Variants in EDIL3 observed in about 807,000 individuals in gnomAD.
EDIL3 encodes the protein EGF-like repeat and discoidin I-like domain-containing protein 3.
Under a neutral mutation model 67.4 loss-of-function variants are expected in EDIL3, and 37 were observed. The ratio of observed to expected loss-of-function variants is 0.55; its 90% confidence interval spans 0.42 to 0.72. The LOEUF is 0.72. EDIL3 is among the 30% of genes least tolerant of loss of function. The pLI, the probability that EDIL3 is intolerant of heterozygous loss-of-function variation, is 0.00. For synonymous variants in EDIL3, 195 were observed against 196.3 expected (o/e 0.99, Z 0.05); for missense variants, 527 against 586.3 (o/e 0.90, Z 1.04).
intron 1 of EDIL3, among the ~76,000 whole-genome samples, chr5:84,269,827 A>G (rs1745427424): frequency 1.3e-5 from 2 of 152,146 alleles, no homozygotes; most frequent in Admixed American, 1.3e-4. Flanking sequence ...GAGTTTCCAA[A>G]CTACCTGGCC....
chr5:84,084,171 A>G (rs1044287816), intron 6 of EDIL3, among the ~76,000 whole-genome samples: 4 of 152,218 alleles, frequency 2.6e-5, no homozygotes, highest in African/African-American at 9.6e-5. Flanking sequence ...TATAGAGTAT[A>G]TCTCATCAGT....
At chr5:84,178,993 T>C (rs1035514951) in intron 4 of EDIL3, among the ~76,000 whole-genome samples, 8 of 152,178 alleles carry the variant, frequency 5.3e-5, no homozygotes, top group Admixed American at 6.5e-5. Flanking sequence ...TTATATATTG[T>C]TTGAACAGAG....
chr5:84,067,256 C>T (rs952728382), intron 6 of EDIL3, among the ~76,000 whole-genome samples: 1 of 151,948 alleles, frequency 6.6e-6, no homozygotes, highest in African/African-American at 2.4e-5. Flanking sequence ...ATATTTTCTC[C>T]CCATTCCAAA....
At chr5:84,343,090 A>T (rs904916754) in intron 1 of EDIL3, among the ~76,000 whole-genome samples, 1 of 152,194 alleles carries the variant, frequency 6.6e-6, no homozygotes, top group African/African-American at 2.4e-5. Context: ...GTCAAGGGAC[A>T]ATAAAATATT....
At chr5:83,980,314 T>C (rs1744948884) in intron 9 of EDIL3, among the ~76,000 whole-genome samples, 1 of 151,998 alleles carries the variant, frequency 6.6e-6, no homozygotes. Context: ...TATTATTTAC[T>C]ATAAAACGGC....
chr5:84,096,267 G>C (rs1311289759), intron 6 of EDIL3, among the ~76,000 whole-genome samples: 2 of 152,156 alleles, frequency 1.3e-5, no homozygotes, highest in African/African-American at 4.8e-5. Context: ...TGCACCGTGT[G>C]TCTGGAAAAG....
intron 6 of EDIL3, among the ~76,000 whole-genome samples, chr5:84,067,589 T>C (rs1267459553): frequency 6.6e-6 from 1 of 152,222 alleles, no homozygotes; most frequent in Non-Finnish European, 1.5e-5. Context: ...ATTCAGATAT[T>C]ATTTTCCAAA....
chr5:83,963,922 C>A (rs1744647668), intron 9 of EDIL3, among the ~76,000 whole-genome samples: 1 of 151,576 alleles, frequency 6.6e-6, no homozygotes. Context: ...TAATCATTGT[C>A]CAGTGAAAAC....
At chr5:84,375,907 A>G (rs1747956536) in intron 1 of EDIL3, among the ~76,000 whole-genome samples, 1 of 152,218 alleles carries the variant, frequency 6.6e-6, no homozygotes. Context: ...TTTTTAAATT[A>G]TTGTCCCAAG....
chr5:84,304,402 C>A (rs1746223354), intron 1 of EDIL3, among the ~76,000 whole-genome samples: 1 of 152,148 alleles, frequency 6.6e-6, no homozygotes, highest in African/African-American at 2.4e-5. Flanking sequence ...TACAGAACAT[C>A]TAGGGCATTT....
intron 4 of EDIL3, among the ~76,000 whole-genome samples, chr5:84,157,266 C>T (rs1352338560): frequency 6.6e-6 from 1 of 151,874 alleles, no homozygotes; most frequent in East Asian, 1.9e-4. Flanking sequence ...ACAACAAACC[C>T]CCAAGACACG....
chr5:84,371,942 T>C (rs780782228), intron 1 of EDIL3, among the ~76,000 whole-genome samples: 2 of 152,120 alleles, frequency 1.3e-5, no homozygotes, highest in African/African-American at 4.8e-5. Context: ...CCACGATCTA[T>C]GGATCCCATC....
chr5:84,041,581 ATACTATATATG>A (rs1468798962), intron 9 of EDIL3, among the ~76,000 whole-genome samples: 1 of 146,532 alleles, frequency 6.8e-6, no homozygotes, highest in Non-Finnish European at 1.5e-5. Context: ...ATATATGTAT[ATACTATATATG>A]TATATATGTA....
At chr5:84,209,759 G>A (rs1278318945) in intron 3 of EDIL3, among the ~76,000 whole-genome samples, 6 of 152,276 alleles carry the variant, frequency 3.9e-5, no homozygotes, top group East Asian at 1.9e-4. Flanking sequence ...AGAGACACAC[G>A]AATTTATTGA....
chr5:84,073,428 G>T (rs1271756781), intron 6 of EDIL3, among the ~76,000 whole-genome samples: 2 of 152,124 alleles, frequency 1.3e-5, no homozygotes, highest in Non-Finnish European at 2.9e-5. Context: ...CAGATGACAT[G>T]ATTGTATACC....
intron 6 of EDIL3, among the ~76,000 whole-genome samples, chr5:84,096,723 G>A (rs753447652): frequency 6.6e-6 from 1 of 152,128 alleles, no homozygotes; most frequent in Non-Finnish European, 1.5e-5. Context: ...GTGAAGACAT[G>A]AGATTTTGGA....
chr5:84,043,605 C>CTT (rs1746170457), intron 9 of EDIL3, among the ~76,000 whole-genome samples: 1 of 152,160 alleles, frequency 6.6e-6, no homozygotes, highest in Non-Finnish European at 1.5e-5. Flanking sequence ...AAATGGAACT[C>CTT]AACAGAAAAG....
chr5:84,114,660 A>C (rs1747632476), intron 5 of EDIL3, among the ~76,000 whole-genome samples: 1 of 152,206 alleles, frequency 6.6e-6, no homozygotes, highest in East Asian at 1.9e-4. Flanking sequence ...GTTTTCAAAA[A>C]TTAGTTAAAC....
intron 1 of EDIL3, among the ~76,000 whole-genome samples, chr5:84,362,771 G>A (rs1457438696): frequency 3.3e-5 from 5 of 152,002 alleles, no homozygotes; most frequent in Admixed American, 2.0e-4. Context: ...CTCTAGATTG[G>A]TTTACTATGT....
Sources: allele counts gnomAD v4.1 joint callset (sites outside exome capture counted in the v4.1 genomes callset), GRCh38; gene constraint gnomAD v4.1.1; transcripts MANE v1.5; gene names NCBI Gene and HGNC (gene_info 2026-07-23, HGNC 2026-07-21).